DAB1: variants seen among roughly 807,000 people sequenced by gnomAD.
The protein encoded by DAB1 is disabled homolog 1.
A neutral mutation model predicts 64.6 loss-of-function variants in DAB1; 15 were observed. The observed-to-expected ratio is 0.23, with a 90% CI of 0.16 to 0.36. The LOEUF (loss-of-function observed/expected upper bound fraction) is 0.36, where lower values mean the gene tolerates loss of function less well. DAB1 is among the 10% of genes least tolerant of loss of function. The pLI is 1.00. For missense variants in DAB1, 596 were observed against 706.7 expected (o/e 0.84, Z 1.78); for synonymous variants, 235 against 251.9 (o/e 0.93, Z 0.64).
In DAB1 at chr1:57,493,987, C is replaced by T. The variant is rs189995423; in HGVS notation, n.625+155605G>A. ...CAAAAACACTGAACCTCGGTTTATT[C>T]AGCTTAAATATGGTAAAACTGTTTA... On this transcript the variant is annotated intron_variant and non_coding_transcript_variant, in intron 7 of 20. Transcript: ENST00000485760. Among the ~76,000 whole-genome samples, 3 of 152,244 alleles carry T rather than the reference C, an allele frequency of 2.0e-5. 1 individual carries two copies. The highest frequency in any genetic ancestry group is 2.1e-4 in the South Asian group (1 of 4,816).
intron 4 of DAB1, among the ~76,000 whole-genome samples, chr1:57,080,918 A>T (rs576876884): frequency 1.0e-3 from 155 of 152,262 alleles, no homozygotes; most frequent in Non-Finnish European, 2.0e-3. Context: ...TTCAACTCAC[A>T]TTCATTCCCC....
At position 57,717,202 on chromosome 1, in the gene DAB1, A is replaced by C. The variant is rs181969535; in HGVS notation, n.552-67537T>G. 9.9e-5 allele frequency among the ~76,000 whole-genome samples: 15 copies of C among 152,126 alleles called. No homozygotes were observed. The South Asian group carries it at 1.5e-3, about 15-fold the overall frequency. ...TGGTGAGCCGAGACCGCACCATTGC[A>C]CTCCAGCCTGGGCGACAGAGCGAGA... On this transcript the variant is annotated intron_variant and non_coding_transcript_variant, in intron 6 of 20. Coordinates refer to the DAB1 transcript ENST00000485760.
intron 5 of DAB1, among the ~76,000 whole-genome samples, chr1:58,130,271 G>T (rs1653449356): frequency 7.5e-6 from 1 of 133,230 alleles, no homozygotes; most frequent in African/African-American, 2.9e-5. Context: ...CAGAGACTAG[G>T]ATTGCAACCC....
At chr1:58,296,109 G>A (rs1183665058) in intron 4 of DAB1, among the ~76,000 whole-genome samples, 2 of 92,776 alleles carry the variant, frequency 2.2e-5, no homozygotes, top group African/African-American at 8.7e-5. Flanking sequence ...AAAAAAAAAA[G>A]CAAGAAAGCG....
intron 4 of DAB1, among the ~76,000 whole-genome samples, chr1:57,091,546 C>G (rs956982974): frequency 1.3e-5 from 2 of 152,130 alleles, no homozygotes; most frequent in African/African-American, 4.8e-5. Context: ...GATTAGATAT[C>G]AGCACCCTTG....
intron 3 of DAB1, among the ~76,000 whole-genome samples, chr1:58,421,290 T>A (rs867086800): frequency 7.9e-5 from 12 of 152,240 alleles, no homozygotes; most frequent in South Asian, 6.2e-4. Context: ...TAATTGGGCT[T>A]AATTACAATG....
chr1:57,906,233 G>A (rs1428209158), intron 5 of DAB1, among the ~76,000 whole-genome samples: 3 of 152,248 alleles, frequency 2.0e-5, no homozygotes, highest in South Asian at 2.1e-4. Context: ...AAGAGTATAC[G>A]ATAACCATAA....
At position 58,088,023 on chromosome 1, in the gene DAB1, T is replaced by C. The variant is rs555433452; in HGVS notation, n.387+62488A>G. On this transcript the variant is annotated intron_variant and non_coding_transcript_variant, in intron 5 of 20. Transcript: ENST00000485760. ...TGTTTTGTTTCTATCAACCATTTCC[T>C]CCATGGTTCTCCCAGCATGTGTAGT... Among the ~76,000 whole-genome samples, 192 of 152,344 alleles carry C rather than the reference T, an allele frequency of 1.3e-3. 1 individual carries two copies. Among genetic ancestry groups the C allele is most frequent in the Non-Finnish European group, 2.3e-3 (154 of 68,038 alleles).
At chr1:57,529,390 C>T (rs1644634727) in intron 7 of DAB1, among the ~76,000 whole-genome samples, 1 of 152,052 alleles carries the variant, frequency 6.6e-6, no homozygotes, top group Non-Finnish European at 1.5e-5. Context: ...ATCTTAATTA[C>T]ATTAAATGTA....
intron 3 of DAB1, among the ~76,000 whole-genome samples, chr1:58,350,605 G>T (rs1360048547): frequency 6.6e-6 from 1 of 152,184 alleles, no homozygotes; most frequent in African/African-American, 2.4e-5. Flanking sequence ...TTACGTTTAA[G>T]TCTTTAATCC....
intron 1 of DAB1, among the ~76,000 whole-genome samples, chr1:57,859,034 T>C (rs1653884977): frequency 6.6e-6 from 1 of 151,946 alleles, no homozygotes; most frequent in African/African-American, 2.4e-5. Context: ...CTGCAGGGGG[T>C]TGTCGTTTGA....
At chr1:57,163,597 A>G (rs1411092479) in intron 2 of DAB1, among the ~76,000 whole-genome samples, 2 of 152,064 alleles carry the variant, frequency 1.3e-5, no homozygotes, top group Non-Finnish European at 2.9e-5. Flanking sequence ...ATGCAGGGGC[A>G]TGACTCACAT....
At chr1:57,862,040 G>A (rs1443859422) in intron 1 of DAB1, among the ~76,000 whole-genome samples, 1 of 152,064 alleles carries the variant, frequency 6.6e-6, no homozygotes. Flanking sequence ...GACTACAATG[G>A]AAAATAATTC....
intron 4 of DAB1, among the ~76,000 whole-genome samples, chr1:58,315,505 G>A (rs1027022753): frequency 6.6e-6 from 1 of 152,142 alleles, no homozygotes; most frequent in African/African-American, 2.4e-5. Context: ...ACCATGTGTT[G>A]GGTGCTGGGG....
intron 4 of DAB1, among the ~76,000 whole-genome samples, chr1:58,151,555 C>T (rs902947843): frequency 6.6e-5 from 10 of 152,222 alleles, no homozygotes; most frequent in African/African-American, 2.4e-4. Flanking sequence ...CCAAAAAGTA[C>T]CAAATATCTT....
chr1:57,221,695 C>T (rs1666886132), intron 2 of DAB1, among the ~76,000 whole-genome samples: 1 of 152,092 alleles, frequency 6.6e-6, no homozygotes, highest in Non-Finnish European at 1.5e-5. Context: ...AGCAGTCACA[C>T]TCTCCCTACT....
At chr1:57,922,159 T>C (rs555448566) in intron 5 of DAB1, among the ~76,000 whole-genome samples, 1 of 152,314 alleles carries the variant, frequency 6.6e-6, no homozygotes, top group South Asian at 2.1e-4. Context: ...GGTTCATCTG[T>C]GTCATTTTAT....
Position 57,702,162 on chromosome 1 carries a change from G to A in DAB1, n.552-52497C>T, listed in dbSNP as rs192483681. ...TTTTTCTTGAATATGTTTGCTTAGA[G>A]GCTCTTTGCAATTCACTGTCTGCTT... is the stretch of plus-strand genomic sequence containing the variant. On this transcript the variant is annotated intron_variant and non_coding_transcript_variant, in intron 6 of 20. Coordinates refer to the DAB1 transcript ENST00000485760. Among the ~76,000 whole-genome samples, 10 of 152,176 alleles carry A rather than the reference G, an allele frequency of 6.6e-5. No homozygotes were observed. In the East Asian group the frequency reaches 1.9e-3, roughly 29 times the overall value.
intron 2 of DAB1, among the ~76,000 whole-genome samples, chr1:58,509,747 C>T (rs956515534): frequency 4.0e-5 from 6 of 150,868 alleles, no homozygotes; most frequent in Non-Finnish European, 7.4e-5. Context: ...ACTGACAAGT[C>T]GTTAGAGTAA....
Sources: allele counts gnomAD v4.1 joint callset (sites outside exome capture counted in the v4.1 genomes callset), GRCh38; gene constraint gnomAD v4.1.1; transcripts MANE v1.5; gene names NCBI Gene and HGNC (gene_info 2026-07-23, HGNC 2026-07-21).